Variants in ST8SIA4 observed in about 807,000 individuals in gnomAD.
ST8SIA4 encodes ST8 alpha-N-acetyl-neuraminide alpha-2,8-sialyltransferase 4, also known as CMP-N-acetylneuraminate-poly-alpha-2,8-sialyltransferase.
In ST8SIA4, 15 loss-of-function variants were observed where a neutral mutation model predicts 33.9. The ratio of observed to expected loss-of-function variants is 0.44; its 90% CI spans 0.30 to 0.68. The LOEUF (loss-of-function observed/expected upper bound fraction) is 0.68, where lower values mean the gene tolerates loss of function less well. Ranked by LOEUF, ST8SIA4 falls within the 30% of genes least tolerant of loss-of-function variation. The pLI is 0.10. For synonymous variants in ST8SIA4, 171 were observed against 151.2 expected (o/e 1.13, Z -0.96); for missense variants, 321 against 428.0 (o/e 0.75, Z 2.21).
intron 4 of ST8SIA4, among the ~76,000 whole-genome samples, chr5:100,842,860 C>T (rs1264511870): frequency 6.6e-6 from 1 of 151,720 alleles, no homozygotes; most frequent in African/African-American, 2.4e-5. Context: ...GAATCTGTGC[C>T]ATGCTAGATT....
intron 4 of ST8SIA4, among the ~76,000 whole-genome samples, chr5:100,817,516 C>T (rs946936700): frequency 1.3e-5 from 2 of 152,080 alleles, no homozygotes. Flanking sequence ...AAGCAGTCAT[C>T]CGTGGACATA....
At chr5:100,819,477 C>CAA (rs1750994919) in intron 4 of ST8SIA4, among the ~76,000 whole-genome samples, 1 of 152,020 alleles carries the variant, frequency 6.6e-6, no homozygotes, top group Non-Finnish European at 1.5e-5. Context: ...ATTGAACACT[C>CAA]AAAAAAAGGT....
At chr5:100,902,585 T>C (rs1752944428) in intron 1 of ST8SIA4, among the ~76,000 whole-genome samples, 2 of 152,116 alleles carry the variant, frequency 1.3e-5, no homozygotes, top group African/African-American at 4.8e-5. Flanking sequence ...TGCAGTGACT[T>C]CTCCTTTGGC....
intron 4 of ST8SIA4, among the ~76,000 whole-genome samples, chr5:100,825,051 A>T (rs980093523): frequency 1.3e-5 from 2 of 152,124 alleles, no homozygotes; most frequent in African/African-American, 2.4e-5. Flanking sequence ...ACAGTATGAG[A>T]CTATCTCTAA....
chr5:100,812,675 C>A (rs1045539292), intron 4 of ST8SIA4, among the ~76,000 whole-genome samples: 4 of 152,110 alleles, frequency 2.6e-5, no homozygotes. Flanking sequence ...GCCTCACTTC[C>A]ACTCACATAA....
chr5:100,836,371 A>G (rs964134867), intron 4 of ST8SIA4, among the ~76,000 whole-genome samples: 2 of 151,962 alleles, frequency 1.3e-5, no homozygotes, highest in Non-Finnish European at 2.9e-5. Flanking sequence ...CCTAAAGACC[A>G]CGTTGAGCTG....
chr5:100,899,077 A>G (rs1752839942), intron 1 of ST8SIA4, among the ~76,000 whole-genome samples: 2 of 152,192 alleles, frequency 1.3e-5, no homozygotes, highest in Admixed American at 6.5e-5. Context: ...AGTACGTAAG[A>G]CATATGATTA....
chr5:100,870,741 T>A (rs1752180900), intron 3 of ST8SIA4, among the ~76,000 whole-genome samples: 1 of 152,136 alleles, frequency 6.6e-6, no homozygotes, highest in African/African-American at 2.4e-5. Context: ...ATATTTCATA[T>A]TTCATGTGTA....
chr5:100,861,489 A>C (rs182630544), intron 3 of ST8SIA4, among the ~76,000 whole-genome samples: 6 of 152,304 alleles, frequency 3.9e-5, no homozygotes, highest in Admixed American at 6.5e-5. Context: ...AGAAAAATGG[A>C]ATCATCGGTC....
chr5:100,890,499 C>G (rs1020680873), intron 2 of ST8SIA4: 2 of 151,838 alleles, frequency 1.3e-5, no homozygotes, highest in Admixed American at 6.6e-5. Context: ...AGAAAGAAAA[C>G]TGGCTTTAAT....
chr5:100,831,801 T>C (rs143371217), intron 4 of ST8SIA4, among the ~76,000 whole-genome samples: 11 of 152,238 alleles, frequency 7.2e-5, no homozygotes, highest in African/African-American at 1.9e-4. Context: ...AAAAAATATA[T>C]ATTTTTTAAA....
intron 1 of ST8SIA4, 149 bp from the exon 2 acceptor site, chr5:100,895,934 G>C: frequency 2.8e-6 from 2 of 713,370 alleles, no homozygotes; most frequent in African/African-American, 1.8e-5. Context: ...ATGATGAAAG[G>C]TGTTATGAGG....
chr5:100,865,950 G>T (rs1752052194), intron 3 of ST8SIA4, among the ~76,000 whole-genome samples: 2 of 152,094 alleles, frequency 1.3e-5, no homozygotes, highest in Admixed American at 6.6e-5. Flanking sequence ...TCTGTTTGAT[G>T]AGACTTCCTG....
intron 3 of ST8SIA4, chr5:100,885,221 C>T (rs1752510642): frequency 3.1e-6 from 1 of 321,284 alleles, no homozygotes; most frequent in African/African-American, 2.2e-5. Flanking sequence ...CTCTTATAGT[C>T]TAATTAGTTT....
At chr5:100,835,857 A>G (rs1329180861) in intron 4 of ST8SIA4, among the ~76,000 whole-genome samples, 1 of 152,280 alleles carries the variant, frequency 6.6e-6, no homozygotes, top group Middle Eastern at 3.4e-3. Flanking sequence ...ATTGAGAGAG[A>G]TATAGAAGTA....
chr5:100,858,394 G>C (rs993608092), intron 3 of ST8SIA4, among the ~76,000 whole-genome samples: 1 of 151,768 alleles, frequency 6.6e-6, no homozygotes, highest in African/African-American at 2.4e-5. Context: ...AACAATATTT[G>C]TACTTTATTT....
intron 1 of ST8SIA4, chr5:100,900,202 G>T: frequency 3.0e-6 from 1 of 337,784 alleles, no homozygotes. Flanking sequence ...AGCTAAATAT[G>T]AATCTGGGGT....
At chr5:100,839,429 G>A (rs545502599) in intron 4 of ST8SIA4, among the ~76,000 whole-genome samples, 2 of 151,996 alleles carry the variant, frequency 1.3e-5, no homozygotes, top group East Asian at 1.9e-4. Context: ...CTCAGCTATA[G>A]AATTTATGTT....
rs796583318 is a variant in ST8SIA4, at chr5:100,844,860, G to T, written c.797+11243C>A. On this transcript the variant is annotated intron_variant, in intron 4 of 4. Transcript: ENST00000231461. ...ATCCAGGTTTTTAAATGATTTGGGG[G>T]GTAAGGTTTTAGAGCAAAGAGAAAA... 2.0e-5 allele frequency among the ~76,000 whole-genome samples: 3 copies of T among 151,878 alleles called. No homozygotes were observed. The South Asian group carries it at 6.2e-4, about 31-fold the overall frequency.
Sources: allele counts gnomAD v4.1 joint callset (sites outside exome capture counted in the v4.1 genomes callset), GRCh38; gene constraint gnomAD v4.1.1; transcripts MANE v1.5; gene names NCBI Gene and HGNC (gene_info 2026-07-23, HGNC 2026-07-21).